Variants in GFRA1 observed in about 807,000 individuals in gnomAD.
The protein encoded by GFRA1 is GDNF family receptor alpha 1, also known as GDNF family receptor alpha-1.
Under a neutral mutation model 51.6 loss-of-function variants are expected in GFRA1, and 16 were observed. The observed-to-expected ratio is 0.31, with a 90% CI of 0.21 to 0.47. The LOEUF (loss-of-function observed/expected upper bound fraction) is 0.47. Ranked by LOEUF, GFRA1 falls within the 20% of genes least tolerant of loss-of-function variation. The probability of loss-of-function intolerance (pLI) is 1.00; values close to 1 mark genes in which losing one functional copy is unlikely to be tolerated. For synonymous variants in GFRA1, 270 were observed against 241.3 expected (o/e 1.12, Z -1.10); for missense variants, 530 against 594.3 (o/e 0.89, Z 1.13).
At chr10:116,073,400 G>A (rs1017890403) in intron 9 of GFRA1, among the ~76,000 whole-genome samples, 4 of 152,132 alleles carry the variant, frequency 2.6e-5, no homozygotes, top group African/African-American at 7.2e-5. Flanking sequence ...TTAGAGAACT[G>A]TTTGTTTTCA....
chr10:116,087,965 A>G (rs546072208), intron 9 of GFRA1, among the ~76,000 whole-genome samples: 2 of 152,236 alleles, frequency 1.3e-5, no homozygotes, highest in South Asian at 4.2e-4. Flanking sequence ...TGGAGAGAGT[A>G]AATGCCCGGG....
chr10:116,257,442 T>C (rs1006077901), intron 4 of GFRA1, among the ~76,000 whole-genome samples: 26 of 152,112 alleles, frequency 1.7e-4, no homozygotes, highest in African/African-American at 5.8e-4. Flanking sequence ...GTGCATGCTT[T>C]CTCCTCAAGA....
chr10:116,254,313 C>A, intron 4 of GFRA1, among the ~76,000 whole-genome samples: 1 of 81,130 alleles, frequency 1.2e-5, no homozygotes, highest in African/African-American at 4.0e-5. Flanking sequence ...CAAAGAGAGC[C>A]TCTGTCAAAA....
At chr10:116,085,798 C>A (rs1956076737) in intron 9 of GFRA1, among the ~76,000 whole-genome samples, 1 of 152,206 alleles carries the variant, frequency 6.6e-6, no homozygotes, top group Non-Finnish European at 1.5e-5. Flanking sequence ...CAGTCCTTCC[C>A]CTATGTTGTC....
rs566970532 is a variant in GFRA1, at chr10:116,187,848, T to C, written c.433+23783A>G. Among the ~76,000 whole-genome samples the C allele has an allele frequency of 2.0e-5, 3 of 152,138 alleles. No individual in the cohort carries two copies. In the East Asian group the frequency reaches 5.8e-4, roughly 30 times the overall value. On this transcript the variant is annotated intron_variant, in intron 5 of 10. Transcript: ENST00000355422. ...TAAAAAAGGCAGCAGTAAGTTTGCG[T>C]TGACCTCTGAGGCCCCCAGAGCAGA...
chr10:116,167,376 G>A (rs954021923), intron 5 of GFRA1, among the ~76,000 whole-genome samples: 8 of 152,098 alleles, frequency 5.3e-5, no homozygotes, highest in East Asian at 3.9e-4. Flanking sequence ...ACTCTAACAC[G>A]TGGTCTGGCA....
chr10:116,166,780 CTTTTTTTTTTTTTTTTTTTT>C (rs530399969), intron 5 of GFRA1, among the ~76,000 whole-genome samples: 2 of 76,384 alleles, frequency 2.6e-5, no homozygotes, highest in South Asian at 4.8e-4. Context: ...CAACAATCTT[CTTTTTTTTTTTTTTTTTTTT>C]TTTTTTTTTT....
intron 5 of GFRA1, among the ~76,000 whole-genome samples, chr10:116,180,312 T>C (rs1459760044): frequency 1.3e-5 from 2 of 152,150 alleles, no homozygotes; most frequent in Admixed American, 6.5e-5. Flanking sequence ...TGTGAGGACA[T>C]AAATACAAGC....
intron 9 of GFRA1, among the ~76,000 whole-genome samples, chr10:116,073,993 C>T (rs777567346): frequency 2.6e-5 from 4 of 152,110 alleles, no homozygotes; most frequent in African/African-American, 4.8e-5. Context: ...AGAATACGTG[C>T]TTTTAGAGAA....
rs1262002917 is a variant in GFRA1 at position 116,270,892 on chromosome 10, G to A, written c.264C>T (p.Arg88=). The part of the protein sequence containing the change: ...ALKQKSLYNC[R]CKRGMKKEKN... ...TCTCCTTCTTCATACCCCGCTTGCA[G>A]CGGCAGTTGTAGAGCGACTTCTGCT... Residue 88 remains arginine, a synonymous_variant, in exon 3 of 11, where the codon CGC becomes CGT. Transcript: ENST00000355422. 1.2e-6 allele frequency: 2 copies of A among 1,613,992 alleles called. No homozygotes were observed. Among genetic ancestry groups the A allele is most frequent in the Non-Finnish European group, 1.7e-6 (2 of 1,180,052 alleles).
chr10:116,068,945 CTT>C (rs1471993611), intron 9 of GFRA1, among the ~76,000 whole-genome samples: 2 of 152,154 alleles, frequency 1.3e-5, no homozygotes, highest in Non-Finnish European at 2.9e-5. Flanking sequence ...ACTCCTGAGA[CTT>C]TGTAAGGTAT....
chr10:116,190,352 G>A (rs1260574939), intron 5 of GFRA1, among the ~76,000 whole-genome samples: 1 of 152,196 alleles, frequency 6.6e-6, no homozygotes, highest in Non-Finnish European at 1.5e-5. Context: ...GGACATGAGA[G>A]TGGATCAACG....
chr10:116,269,066 C>T (rs76048419), intron 4 of GFRA1, among the ~76,000 whole-genome samples: 423 of 152,250 alleles, frequency 2.8e-3, no homozygotes, highest in African/African-American at 9.8e-3. Flanking sequence ...CCAAATTTTT[C>T]AACAATCTAA....
chr10:116,122,490 T>C (rs1231770957), intron 6 of GFRA1, among the ~76,000 whole-genome samples: 1 of 152,146 alleles, frequency 6.6e-6, no homozygotes, highest in Non-Finnish European at 1.5e-5. Flanking sequence ...AACCATCCTG[T>C]TATCTGCAGG....
chr10:116,133,903 C>T lies in GFRA1; in HGVS notation c.434-8346G>A, dbSNP rs577188020. ...AAATTCCTCTGGAGCAAGGAACTGC[C>T]TTTATCTCAAATACAATCCTCACAC... On this transcript the variant is annotated intron_variant, in intron 5 of 10. Transcript: ENST00000355422. Among the ~76,000 whole-genome samples the T allele has an allele frequency of 4.6e-5, 7 of 152,304 alleles. No individual in the cohort carries two copies. In the South Asian group the frequency reaches 1.5e-3, roughly 32 times the overall value.
At chr10:116,231,621 C>A (rs1966681520) in intron 4 of GFRA1, among the ~76,000 whole-genome samples, 1 of 152,144 alleles carries the variant, frequency 6.6e-6, no homozygotes, top group Admixed American at 6.5e-5. Flanking sequence ...GCTTTCCATT[C>A]TTAAAAAGCA....
intron 5 of GFRA1, among the ~76,000 whole-genome samples, chr10:116,194,507 A>G (rs2134343310): frequency 6.6e-6 from 1 of 152,322 alleles, no homozygotes; most frequent in South Asian, 2.1e-4. Flanking sequence ...ATATGCAACT[A>G]AGTACACAAT....
chr10:116,273,971 G>A (rs953858857), upstream of GFRA1, among the ~76,000 whole-genome samples: 32 of 152,244 alleles, frequency 2.1e-4, no homozygotes, highest in African/African-American at 7.5e-4. Flanking sequence ...CTGGAGCTCC[G>A]ACAAGGAGAC....
intron 9 of GFRA1, among the ~76,000 whole-genome samples, chr10:116,076,149 G>C (rs534951785): frequency 2.0e-5 from 3 of 151,940 alleles, no homozygotes; most frequent in African/African-American, 7.3e-5. Flanking sequence ...CCACTACATA[G>C]TACTAACATA....
Sources: allele counts gnomAD v4.1 joint callset (sites outside exome capture counted in the v4.1 genomes callset), GRCh38; gene constraint gnomAD v4.1.1; transcripts MANE v1.5; gene names NCBI Gene and HGNC (gene_info 2026-07-23, HGNC 2026-07-21).